FGF14: variants seen among roughly 807,000 people sequenced by gnomAD.
FGF14 encodes the protein fibroblast growth factor 14.
Under a neutral mutation model 25.5 loss-of-function variants are expected in FGF14, and 5 were observed. That is an observed-to-expected ratio of 0.20 (90% CI 0.10 to 0.41). The LOEUF is 0.41. Ranked by LOEUF, FGF14 falls within the 10% of genes least tolerant of loss-of-function variation. The probability of loss-of-function intolerance (pLI) is 1.00; values close to 1 mark genes in which losing one functional copy is unlikely to be tolerated. For missense variants in FGF14, 222 were observed against 320.1 expected (o/e 0.69, Z 2.34); for synonymous variants, 138 against 118.3 (o/e 1.17, Z -1.08).
chr13:102,187,091 G>A (rs546643855), intron 1 of FGF14, among the ~76,000 whole-genome samples: 15 of 152,238 alleles, frequency 9.9e-5, no homozygotes, highest in African/African-American at 2.6e-4. Context: ...GCAACGCCTC[G>A]GTTACATATG....
intron 1 of FGF14, among the ~76,000 whole-genome samples, chr13:102,086,529 C>CA (rs113715783): frequency 0.028 from 4,247 of 150,248 alleles, 189 homozygotes; most frequent in African/African-American, 0.098. Context: ...GACTCCGTCT[C>CA]AAAAAAAAAG....
In FGF14 at chr13:101,721,603, T is replaced by G. The variant is rs2034990966; in HGVS notation, c.*1228A>C. The G allele has an allele frequency of 6.6e-6, 1 of 152,054 alleles. No homozygotes were observed. Among genetic ancestry groups the G allele is most frequent in the Admixed American group, 6.6e-5 (1 of 15,250 alleles). 9.4% of individuals were successfully genotyped at this position (152,054 alleles called of 1,614,324 possible). On this transcript the variant is annotated 3_prime_UTR_variant, in exon 5 of 5. Coordinates refer to ENST00000376143, the MANE Select transcript of FGF14 (RefSeq NM_004115.4). ...AGCATGCTGAGCTAAAAAAAATATT[T>G]TTCCTAATATGTCCAGTTTAAAAAC...
At chr13:101,969,412 A>G (rs1018427145) in intron 1 of FGF14, among the ~76,000 whole-genome samples, 2 of 152,162 alleles carry the variant, frequency 1.3e-5, no homozygotes, top group Non-Finnish European at 2.9e-5. Flanking sequence ...AAATAACAAA[A>G]AAAAAGAAAT....
intron 1 of FGF14, among the ~76,000 whole-genome samples, chr13:102,343,168 A>G (rs1448873487): frequency 6.6e-6 from 1 of 152,144 alleles, no homozygotes; most frequent in African/African-American, 2.4e-5. Context: ...AAGAGCTTAG[A>G]GTCAAAGAGG....
At chr13:102,321,579 G>A (rs191774090) in intron 1 of FGF14, among the ~76,000 whole-genome samples, 98 of 152,032 alleles carry the variant, frequency 6.4e-4, no homozygotes, top group Non-Finnish European at 1.0e-3. Flanking sequence ...TTTAAAGTAC[G>A]TTTGTGTGCA....
intron 1 of FGF14, among the ~76,000 whole-genome samples, chr13:102,233,244 C>T (rs1324017293): frequency 6.6e-6 from 1 of 152,120 alleles, no homozygotes; most frequent in African/African-American, 2.4e-5. Flanking sequence ...AAGCGATTCT[C>T]ATGCCTCAGC....
At chr13:102,362,429 G>A (rs2057593291) in intron 1 of FGF14, among the ~76,000 whole-genome samples, 1 of 152,116 alleles carries the variant, frequency 6.6e-6, no homozygotes, top group Admixed American at 6.6e-5. Flanking sequence ...TGTTTAATGA[G>A]CATAATTCAA....
chr13:101,845,497 G>A (rs1031067659), intron 3 of FGF14, among the ~76,000 whole-genome samples: 1 of 151,980 alleles, frequency 6.6e-6, no homozygotes, highest in African/African-American at 2.4e-5. Flanking sequence ...GGCAGAAACT[G>A]ATTATGACTT....
At chr13:102,363,496 C>T (rs1279584278) in intron 1 of FGF14, among the ~76,000 whole-genome samples, 1 of 152,132 alleles carries the variant, frequency 6.6e-6, no homozygotes, top group Middle Eastern at 3.2e-3. Context: ...GTAAAGTGCT[C>T]TAAAAATGTA....
chr13:102,248,921 C>T (rs909581352), intron 1 of FGF14, among the ~76,000 whole-genome samples: 2 of 151,990 alleles, frequency 1.3e-5, no homozygotes, highest in Non-Finnish European at 2.9e-5. Flanking sequence ...CAGGAGGAGT[C>T]CAAACCCCAA....
intron 1 of FGF14, among the ~76,000 whole-genome samples, chr13:102,290,075 A>G (rs1486434479): frequency 6.6e-6 from 1 of 152,224 alleles, no homozygotes; most frequent in Non-Finnish European, 1.5e-5. Context: ...AGAAGAGCTC[A>G]GTTGAGTAAC....
chr13:102,044,983 C>T (rs970859045), intron 1 of FGF14, among the ~76,000 whole-genome samples: 6 of 152,142 alleles, frequency 3.9e-5, no homozygotes, highest in Admixed American at 3.3e-4. Flanking sequence ...TATACAAGGA[C>T]AGAACAGCAA....
At position 102,220,708 on chromosome 13, in the gene FGF14, A is replaced by G. The variant is rs61965280; in HGVS notation, c.208+180763T>C. On this transcript the variant is annotated intron_variant, in intron 1 of 4. Coordinates refer to the FGF14 transcript ENST00000376131. ...CTAGGTTGCTGTACCTTCTCTTGGC[A>G]TCAAGAGTCACTTCACATGATGTCT... 9.2e-3 allele frequency among the ~76,000 whole-genome samples: 1,408 copies of G among 152,320 alleles called. 7 individuals carry two copies. Among genetic ancestry groups the G allele is most frequent in the Non-Finnish European group, 0.013 (889 of 68,034 alleles).
intron 1 of FGF14, among the ~76,000 whole-genome samples, chr13:102,247,057 A>C (rs1266676384): frequency 6.6e-6 from 1 of 152,132 alleles, no homozygotes; most frequent in Non-Finnish European, 1.5e-5. Flanking sequence ...CTGAAACTGG[A>C]CCACTTCCTT....
chr13:101,922,838 T>C (rs925136344), intron 1 of FGF14, among the ~76,000 whole-genome samples: 1 of 146,196 alleles, frequency 6.8e-6, no homozygotes, highest in Non-Finnish European at 1.5e-5. Context: ...CTGGATTTTG[T>C]TTTTTATTTA....
At chr13:101,743,852 A>G (rs2036714906) in intron 3 of FGF14, among the ~76,000 whole-genome samples, 1 of 152,176 alleles carries the variant, frequency 6.6e-6, no homozygotes, top group Admixed American at 6.6e-5. Flanking sequence ...AGGTATATAT[A>G]CATATATAAT....
intron 1 of FGF14, among the ~76,000 whole-genome samples, chr13:102,158,543 G>GA (rs1491288812): frequency 2.2e-4 from 32 of 148,186 alleles, no homozygotes; most frequent in African/African-American, 7.9e-4. Flanking sequence ...GCGGGGGGGG[G>GA]ATACATTAGG....
At chr13:102,179,097 AG>A (rs1438570402) in intron 1 of FGF14, among the ~76,000 whole-genome samples, 2 of 152,150 alleles carry the variant, frequency 1.3e-5, no homozygotes, top group Non-Finnish European at 2.9e-5. Context: ...AGCCCATGGC[AG>A]TAGCATAGCC....
intron 1 of FGF14, chr13:102,393,840 G>C (rs1396329669): frequency 6.6e-6 from 1 of 152,166 alleles, no homozygotes; most frequent in East Asian, 1.9e-4. Context: ...ACCTGTAAAA[G>C]GAACAGGTTG....
Sources: gnomAD v4.1 joint callset for allele counts (sites outside exome capture counted in the v4.1 genomes callset) on GRCh38, gnomAD v4.1.1 for gene constraint, MANE v1.5 for transcripts, NCBI Gene and HGNC (gene_info 2026-07-23, HGNC 2026-07-21) for gene names.